GATAD1: variants seen among roughly 807,000 people sequenced by gnomAD.
GATAD1 encodes the protein GATA zinc finger domain containing 1, also known as GATA zinc finger domain-containing protein 1.
Under a neutral mutation model 26.5 loss-of-function variants are expected in GATAD1, and 12 were observed. The ratio of observed to expected loss-of-function variants is 0.45; its 90% CI spans 0.29 to 0.73. GATAD1 has a LOEUF of 0.73. Among genes scored for constraint, GATAD1 ranks in the 30% least tolerant of loss-of-function variants. The pLI is 0.10. For missense variants in GATAD1, 266 were observed against 342.1 expected (o/e 0.78, Z 1.75); for synonymous variants, 129 against 133.1 (o/e 0.97, Z 0.21).
chr7:92,460,204 C>A (rs1232258339), downstream of GATAD1, among the ~76,000 whole-genome samples: 1 of 152,178 alleles, frequency 6.6e-6, no homozygotes, highest in Non-Finnish European at 1.5e-5. Context: ...TATACACATG[C>A]ATGTGTGTTG....
chr7:92,469,207 T>G, the GATAD1 span: 1 of 752,324 alleles, frequency 1.3e-6, no homozygotes, highest in Non-Finnish European at 2.4e-6. Context: ...TCCCCCTCTT[T>G]CAGCGGTTAG....
the GATAD1 span, chr7:92,465,270 A>G: frequency 6.6e-6 from 1 of 152,246 alleles, no homozygotes; most frequent in African/African-American, 2.4e-5. Context: ...TTTCTAAAGC[A>G]TCCCTGCACA....
At chr7:92,462,231 AT>A (rs1372441778), downstream of GATAD1, among the ~76,000 whole-genome samples, 1 of 152,202 alleles carries the variant, frequency 6.6e-6, no homozygotes, top group East Asian at 1.9e-4. Flanking sequence ...AGGAAAATGA[AT>A]TTTGATATTT....
the GATAD1 span, among the ~76,000 whole-genome samples, chr7:92,480,638 G>T: frequency 6.6e-6 from 1 of 152,234 alleles, no homozygotes; most frequent in Non-Finnish European, 1.5e-5. Flanking sequence ...TTTGCCTTGT[G>T]TGAGAAGAGA....
chr7:92,479,213 A>T, the GATAD1 span, among the ~76,000 whole-genome samples: 1 of 152,174 alleles, frequency 6.6e-6, no homozygotes, highest in East Asian at 1.9e-4. Flanking sequence ...GTCCCTGTGA[A>T]GAGAGTCCAC....
Position 92,447,854 on chromosome 7 carries a change from G to A in GATAD1, c.125G>A (p.Gly42Glu). 4 of 1,382,466 alleles carry A rather than the reference G, an allele frequency of 2.9e-6. No homozygotes were observed. The highest frequency in any genetic ancestry group is 3.8e-6 in the Non-Finnish European group (4 of 1,063,662). The allele number at this position is 1,382,466 out of a possible 1,614,324, so 85.6% of individuals were successfully genotyped here. Residue 42 changes from glycine to glutamate, a missense_variant, in exon 1 of 5, where the codon GGG (glycine) becomes GAG (glutamate). Transcript: ENST00000287957. ...HCTGRGGAGS[G>E]GAGSGAAGGT... ...ACTGGCCGGGGCGGCGCGGGCAGCG[G>A]GGGCGCAGGCTCGGGGGCGGCTGGA...
At chr7:92,462,243 T>G (rs1562825679), downstream of GATAD1, among the ~76,000 whole-genome samples, 1 of 152,156 alleles carries the variant, frequency 6.6e-6, no homozygotes, top group Non-Finnish European at 1.5e-5. Context: ...TTTGATATTT[T>G]TCTAATAGAA....
chr7:92,461,574 T>G (rs575509667), downstream of GATAD1, among the ~76,000 whole-genome samples: 1 of 152,378 alleles, frequency 6.6e-6, no homozygotes, highest in African/African-American at 2.4e-5. Context: ...CTTTTTGCTA[T>G]GAATATGTAG....
chr7:92,454,395 C>T, intron 3 of GATAD1, 107 bp from the exon 4 acceptor site: 2 of 803,522 alleles, frequency 2.5e-6, no homozygotes, highest in South Asian at 2.9e-5. Context: ...CTATCTCGAA[C>T]ACCTTTTACT....
intron 3 of GATAD1, among the ~76,000 whole-genome samples, chr7:92,453,131 T>C (rs1460929762): frequency 6.6e-6 from 1 of 152,218 alleles, no homozygotes; most frequent in Non-Finnish European, 1.5e-5. Flanking sequence ...ACTCCTGGCC[T>C]ATCAGGTGCT....
chr7:92,473,990 A>G, the GATAD1 span, among the ~76,000 whole-genome samples: 1 of 152,062 alleles, frequency 6.6e-6, no homozygotes, highest in African/African-American at 2.4e-5. Flanking sequence ...GGCATGGACG[A>G]GGGGGCGGCT....
At chr7:92,494,581 G>A in the GATAD1 span, 2 of 1,613,864 alleles carry the variant, frequency 1.2e-6, no homozygotes, top group Non-Finnish European at 1.7e-6. Flanking sequence ...GAGGAGCAAT[G>A]GATTCAAATT....
At chr7:92,480,369 T>C in the GATAD1 span, among the ~76,000 whole-genome samples, 1 of 152,150 alleles carries the variant, frequency 6.6e-6, no homozygotes, top group Non-Finnish European at 1.5e-5. Context: ...AATTTGCCAG[T>C]CCTGGGCAGG....
At chr7:92,469,193 AG>A in the GATAD1 span, 1 of 734,832 alleles carries the variant, frequency 1.4e-6, no homozygotes, top group Non-Finnish European at 2.5e-6. Flanking sequence ...AAAAATAAAC[AG>A]GTTCCCCCTC....
the GATAD1 span, chr7:92,487,204 T>C: frequency 3.9e-6 from 1 of 256,256 alleles, no homozygotes; most frequent in Non-Finnish European, 7.3e-6. Context: ...TTGGCTAATA[T>C]TATTTCATTA....
At chr7:92,492,010 A>G in the GATAD1 span, among the ~76,000 whole-genome samples, 1 of 152,210 alleles carries the variant, frequency 6.6e-6, no homozygotes, top group Non-Finnish European at 1.5e-5. Flanking sequence ...TAATAGAATA[A>G]TCCTTCCTAG....
In GATAD1 at chr7:92,458,620, T is replaced by A. The variant is rs1390724771; in HGVS notation, c.*2058T>A. 1.3e-5 allele frequency: 2 copies of A among 152,218 alleles called. No homozygotes were observed. The highest frequency in any genetic ancestry group is 4.8e-5 in the African/African-American group (2 of 41,458). 9.4% of individuals were successfully genotyped at this position (152,218 alleles called of 1,614,324 possible). A position where few individuals can be genotyped will look rare whatever the true frequency, so the allele number is the denominator to read the frequency against. ...TTCAACCCTGGGAAAATTTGCAGAA[T>A]CTAAGTTGATTGTAATGATTTTGAG... On this transcript the variant is annotated 3_prime_UTR_variant, in exon 5 of 5. Transcript: ENST00000287957.
At chr7:92,451,421 G>A (rs1472091764) in intron 3 of GATAD1, among the ~76,000 whole-genome samples, 5 of 152,208 alleles carry the variant, frequency 3.3e-5, no homozygotes, top group Admixed American at 3.3e-4. Flanking sequence ...GGCCTGGCAC[G>A]GCACAGGCAG....
chr7:92,468,346 C>T, the GATAD1 span: 5 of 170,678 alleles, frequency 2.9e-5, no homozygotes, highest in Non-Finnish European at 4.9e-5. Flanking sequence ...AGCGAAAGCT[C>T]AGCTCAAGCC....
Sources: gnomAD v4.1 joint callset for allele counts (sites outside exome capture counted in the v4.1 genomes callset) on GRCh38, gnomAD v4.1.1 for gene constraint, MANE v1.5 for transcripts, NCBI Gene and HGNC (gene_info 2026-07-23, HGNC 2026-07-21) for gene names.